GRM8: variants seen among roughly 807,000 people sequenced by gnomAD.
GRM8 encodes metabotropic glutamate receptor 8.
Under a neutral mutation model 87.2 loss-of-function variants are expected in GRM8, and 47 were observed. The observed-to-expected ratio is 0.54, with a 90% CI of 0.43 to 0.69. The LOEUF (loss-of-function observed/expected upper bound fraction) is 0.69, where lower values mean the gene tolerates loss of function less well. Among genes scored for constraint, GRM8 ranks in the 30% least tolerant of loss-of-function variants. The pLI is 0.00. For synonymous variants in GRM8, 396 were observed against 404.5 expected (o/e 0.98, Z 0.25); for missense variants, 1,019 against 1,139.2 (o/e 0.89, Z 1.52).
At chr7:126,867,920 G>GA (rs944712199) in intron 6 of GRM8, among the ~76,000 whole-genome samples, 3 of 152,224 alleles carry the variant, frequency 2.0e-5, no homozygotes, top group African/African-American at 7.2e-5. Context: ...GCTTACAGCA[G>GA]AAAAAAATAT....
chr7:126,510,926 G>C (rs138183393), intron 9 of GRM8, among the ~76,000 whole-genome samples: 1 of 152,186 alleles, frequency 6.6e-6, no homozygotes, highest in East Asian at 1.9e-4. Context: ...GAGCTACATG[G>C]AGATTTAATC....
At chr7:127,217,404 C>G (rs1404971650) in intron 2 of GRM8, among the ~76,000 whole-genome samples, 1 of 152,200 alleles carries the variant, frequency 6.6e-6, no homozygotes, top group African/African-American at 2.4e-5. Context: ...AGCATCCAGA[C>G]AGAAAAAGCA....
chr7:126,832,974 G>T (rs1030945138), intron 6 of GRM8, among the ~76,000 whole-genome samples: 4 of 152,156 alleles, frequency 2.6e-5, no homozygotes, highest in Admixed American at 2.6e-4. Flanking sequence ...ATTTTATGTT[G>T]AAGACTAAAG....
chr7:126,964,887 T>A (rs1276000182), intron 3 of GRM8, among the ~76,000 whole-genome samples: 1 of 152,142 alleles, frequency 6.6e-6, no homozygotes, highest in Non-Finnish European at 1.5e-5. Flanking sequence ...CTATTCCCAA[T>A]AGCAAAGACT....
At chr7:126,583,056 C>T (rs1795757090) in intron 8 of GRM8, among the ~76,000 whole-genome samples, 1 of 152,120 alleles carries the variant, frequency 6.6e-6, no homozygotes, top group Non-Finnish European at 1.5e-5. Flanking sequence ...TGTCTTATTA[C>T]TTAAGAAATG....
At chr7:127,229,750 A>G (rs1797564695) in intron 2 of GRM8, 1 of 152,158 alleles carries the variant, frequency 6.6e-6, no homozygotes, top group South Asian at 2.1e-4. Flanking sequence ...TCAAATCTCA[A>G]ATTTTTACCT....
chr7:127,226,912 T>C (rs1797366722), intron 2 of GRM8, among the ~76,000 whole-genome samples: 1 of 152,240 alleles, frequency 6.6e-6, no homozygotes, highest in Non-Finnish European at 1.5e-5. Context: ...TAGTACATAA[T>C]GCTGCAACTT....
intron 8 of GRM8, among the ~76,000 whole-genome samples, chr7:126,555,404 C>T (rs1037720887): frequency 2.0e-5 from 3 of 152,182 alleles, no homozygotes; most frequent in Non-Finnish European, 4.4e-5. Flanking sequence ...ATTTATCTTG[C>T]GTCACTACCA....
chr7:127,023,840 A>G (rs926005026), intron 3 of GRM8, among the ~76,000 whole-genome samples: 4 of 152,058 alleles, frequency 2.6e-5, no homozygotes, highest in Non-Finnish European at 5.9e-5. Context: ...AAATAGAAAA[A>G]CTACATTGGA....
chr7:126,851,448 G>T (rs1797200853), intron 6 of GRM8, among the ~76,000 whole-genome samples: 1 of 152,114 alleles, frequency 6.6e-6, no homozygotes, highest in Non-Finnish European at 1.5e-5. Context: ...CCTCGAATAA[G>T]TTCCCATCTC....
At chr7:126,707,728 C>A (rs1810677573) in intron 7 of GRM8, among the ~76,000 whole-genome samples, 1 of 151,944 alleles carries the variant, frequency 6.6e-6, no homozygotes, top group Non-Finnish European at 1.5e-5. Flanking sequence ...TATCTTACAC[C>A]ATACACAAAA....
At chr7:126,787,551 A>T (rs1052396144) in intron 6 of GRM8, among the ~76,000 whole-genome samples, 1 of 152,190 alleles carries the variant, frequency 6.6e-6, no homozygotes, top group Non-Finnish European at 1.5e-5. Context: ...CATGTGAAAA[A>T]TATTATTAAA....
At position 126,685,891 on chromosome 7, in the gene GRM8, G is replaced by A. The variant is rs530106365; in HGVS notation, c.1358-76393C>T. 2.2e-4 allele frequency among the ~76,000 whole-genome samples: 34 copies of A among 151,970 alleles called. No homozygotes were observed. Among genetic ancestry groups the A allele is most frequent in the South Asian group, 8.3e-4 (4 of 4,824 alleles). ...ACCCTGGGGGCTGGGAGCCATTCCC[G>A]CATACCAGAAGGTGAACTCGTAGCG... On this transcript the variant is annotated intron_variant, in intron 7 of 10. Coordinates refer to ENST00000339582, the MANE Select transcript of GRM8 (RefSeq NM_000845.3). The surrounding 1 kb of genome is among the most constrained non-coding windows in gnomAD (Gnocchi z 4.2).
intron 6 of GRM8, among the ~76,000 whole-genome samples, chr7:126,801,325 C>A (rs1822654323): frequency 6.6e-6 from 1 of 152,038 alleles, no homozygotes; most frequent in Non-Finnish European, 1.5e-5. Context: ...GAGGTGACGT[C>A]TATTAAAGCA....
intron 9 of GRM8, among the ~76,000 whole-genome samples, chr7:126,474,933 T>A (rs1029709419): frequency 4.6e-5 from 7 of 152,120 alleles, no homozygotes; most frequent in Non-Finnish European, 8.8e-5. Context: ...AAATTCAACA[T>A]CCTTTCATGA....
At chr7:126,991,108 T>C (rs921848900) in intron 3 of GRM8, among the ~76,000 whole-genome samples, 9 of 152,176 alleles carry the variant, frequency 5.9e-5, no homozygotes, top group African/African-American at 2.2e-4. Context: ...ATTATTGTGA[T>C]ACAAAATAAG....
chr7:127,097,943 C>A (rs1375360556), intron 3 of GRM8, among the ~76,000 whole-genome samples: 1 of 152,220 alleles, frequency 6.6e-6, no homozygotes. Context: ...TGCTACTTGG[C>A]AGTTACTAAG....
chr7:127,243,561 G>T, intron 1 of GRM8, 46 bp from the exon 2 acceptor site: 1 of 208,072 alleles, frequency 4.8e-6, no homozygotes. Context: ...GGGTCTACAT[G>T]TTTCACATTT....
At chr7:126,530,679 C>A (rs1370775860) in intron 9 of GRM8, among the ~76,000 whole-genome samples, 2 of 152,228 alleles carry the variant, frequency 1.3e-5, no homozygotes, top group Non-Finnish European at 2.9e-5. Flanking sequence ...GAGGACTGAC[C>A]AGCTCTTTGG....
Sources: gnomAD v4.1 joint callset for allele counts (sites outside exome capture counted in the v4.1 genomes callset) on GRCh38, gnomAD v4.1.1 for gene constraint, Gnocchi (gnomAD v3.1) non-coding constraint, MANE v1.5 for transcripts, NCBI Gene and HGNC (gene_info 2026-07-23, HGNC 2026-07-21) for gene names.